The following CCSER1 variants were observed in gnomAD, a reference collection of about 807,000 sequenced individuals.
The protein encoded by CCSER1 is coiled-coil serine rich protein 1, also known as serine-rich coiled-coil domain-containing protein 1.
In CCSER1, 41 loss-of-function variants were observed where a neutral mutation model predicts 82.0. That is an observed-to-expected ratio of 0.50 (90% CI 0.39 to 0.65). CCSER1 has a LOEUF of 0.65. CCSER1 is among the 30% of genes least tolerant of loss of function. The pLI is 0.00. For missense variants in CCSER1, 1,119 were observed against 1,064.2 expected (o/e 1.05, Z -0.72); for synonymous variants, 414 against 383.9 (o/e 1.08, Z -0.92).
chr4:90,833,546 G>C (rs1761403372), intron 8 of CCSER1, among the ~76,000 whole-genome samples: 1 of 152,170 alleles, frequency 6.6e-6, no homozygotes, highest in Admixed American at 6.5e-5. Context: ...TTAATGATGA[G>C]CTATTTGTGC....
chr4:90,930,507 G>C (rs1729604932), intron 9 of CCSER1, among the ~76,000 whole-genome samples: 1 of 152,012 alleles, frequency 6.6e-6, no homozygotes, highest in African/African-American at 2.4e-5. Context: ...TTGCTACTCA[G>C]AGACTGAGGC....
Position 91,062,537 on chromosome 4 carries a change from G to T in CCSER1, c.2173-23413G>T, listed in dbSNP as rs539466407. ...TCCCTATACATTTTCCTGAAATGAG[G>T]TGGTCCCTGGAGTGCTGATTTGGAC... On this transcript the variant is annotated intron_variant, in intron 9 of 10. Transcript: ENST00000509176. 1.1e-4 allele frequency among the ~76,000 whole-genome samples: 16 copies of T among 152,118 alleles called. No homozygotes were observed. In the South Asian group the frequency reaches 3.3e-3, roughly 32 times the overall value.
intron 5 of CCSER1, among the ~76,000 whole-genome samples, chr4:90,517,991 A>C (rs980980176): frequency 2.6e-5 from 4 of 152,054 alleles, no homozygotes; most frequent in African/African-American, 9.7e-5. Context: ...TAGTGATAGA[A>C]AGCAAGCATT....
chr4:91,075,986 G>A (rs1721951954), intron 9 of CCSER1, among the ~76,000 whole-genome samples: 1 of 152,124 alleles, frequency 6.6e-6, no homozygotes, highest in Non-Finnish European at 1.5e-5. Context: ...CTTCCAACTT[G>A]AAGACAGTCT....
intron 9 of CCSER1, among the ~76,000 whole-genome samples, chr4:90,936,427 C>A (rs1337492226): frequency 6.6e-6 from 1 of 152,104 alleles, no homozygotes; most frequent in Non-Finnish European, 1.5e-5. Flanking sequence ...TATTTCCTTG[C>A]AGTTGTCTTC....
At chr4:91,151,149 C>T (rs183864890) in intron 10 of CCSER1, among the ~76,000 whole-genome samples, 5 of 152,218 alleles carry the variant, frequency 3.3e-5, no homozygotes, top group Admixed American at 3.3e-4. Flanking sequence ...ATTTCAGAGT[C>T]TGTTAGTGAT....
chr4:90,278,953 C>T (rs1392455675), intron 1 of CCSER1, among the ~76,000 whole-genome samples: 1 of 151,984 alleles, frequency 6.6e-6, no homozygotes, highest in Non-Finnish European at 1.5e-5. Context: ...AGGGTTTTTC[C>T]ATAAGCGTAG....
intron 10 of CCSER1, among the ~76,000 whole-genome samples, chr4:91,219,951 G>A (rs1737605943): frequency 6.6e-6 from 1 of 151,964 alleles, no homozygotes. Flanking sequence ...AGTGTTTTTA[G>A]AACCTCTCTT....
At chr4:91,450,727 C>T (rs1755825601) in intron 10 of CCSER1, among the ~76,000 whole-genome samples, 1 of 151,902 alleles carries the variant, frequency 6.6e-6, no homozygotes, top group South Asian at 2.1e-4. Context: ...CACAAGAGAG[C>T]TCAGAGGTCT....
intron 1 of CCSER1, among the ~76,000 whole-genome samples, chr4:90,231,717 A>G (rs1560841362): frequency 6.6e-6 from 1 of 152,208 alleles, no homozygotes; most frequent in African/African-American, 2.4e-5. Context: ...GTATGTCTAG[A>G]AAACTCCATT....
intron 10 of CCSER1, among the ~76,000 whole-genome samples, chr4:91,265,006 G>T (rs572392700): frequency 6.6e-6 from 1 of 151,986 alleles, no homozygotes; most frequent in East Asian, 1.9e-4. Flanking sequence ...GGCACAATTA[G>T]CATTCATTGT....
At chr4:90,823,949 A>G (rs1464987816) in intron 8 of CCSER1, among the ~76,000 whole-genome samples, 3 of 151,792 alleles carry the variant, frequency 2.0e-5, no homozygotes, top group African/African-American at 7.3e-5. Flanking sequence ...AACTAGCTTC[A>G]TTTCTTTTCT....
chr4:90,176,754 T>TTAA (rs1336876196), intron 1 of CCSER1, among the ~76,000 whole-genome samples: 1 of 152,122 alleles, frequency 6.6e-6, no homozygotes, highest in Non-Finnish European at 1.5e-5. Flanking sequence ...TTTGGAGACC[T>TTAA]TAAATTCAGG....
intron 10 of CCSER1, among the ~76,000 whole-genome samples, chr4:91,434,467 C>G (rs1479769657): frequency 6.6e-6 from 1 of 151,706 alleles, no homozygotes; most frequent in Non-Finnish European, 1.5e-5. Flanking sequence ...CTAACAAAAG[C>G]AATACGGGTA....
At chr4:90,924,332 AC>A (rs1048639301) in intron 9 of CCSER1, among the ~76,000 whole-genome samples, 9 of 152,122 alleles carry the variant, frequency 5.9e-5, no homozygotes, top group Non-Finnish European at 8.8e-5. Flanking sequence ...CTTGGATGCT[AC>A]TTTTGTGTTG....
intron 8 of CCSER1, among the ~76,000 whole-genome samples, chr4:90,885,545 T>C (rs1235000779): frequency 6.6e-6 from 1 of 152,136 alleles, no homozygotes; most frequent in Non-Finnish European, 1.5e-5. Context: ...AAGAGGGATG[T>C]TTCTCCTTTT....
intron 5 of CCSER1, among the ~76,000 whole-genome samples, chr4:90,480,205 A>C (rs937473798): frequency 6.6e-5 from 10 of 151,932 alleles, no homozygotes; most frequent in South Asian, 6.2e-4. Context: ...ATATCCTTCG[A>C]CCACTTTTTG....
intron 9 of CCSER1, among the ~76,000 whole-genome samples, chr4:90,954,772 G>A (rs1269368169): frequency 1.5e-5 from 2 of 133,372 alleles, no homozygotes. Context: ...TGTGTTGAGG[G>A]TATGCAGTAC....
intron 6 of CCSER1, among the ~76,000 whole-genome samples, chr4:90,645,457 T>A (rs1488589387): frequency 6.6e-6 from 1 of 152,206 alleles, no homozygotes; most frequent in Non-Finnish European, 1.5e-5. Context: ...TTTATATCTA[T>A]ACTTATAGTC....
Sources: gnomAD v4.1 joint callset for allele counts (sites outside exome capture counted in the v4.1 genomes callset) on GRCh38, gnomAD v4.1.1 for gene constraint, MANE v1.5 for transcripts, NCBI Gene and HGNC (gene_info 2026-07-23, HGNC 2026-07-21) for gene names.